CTNNA2: variants seen among roughly 807,000 people sequenced by gnomAD.
CTNNA2 encodes catenin alpha-2.
CTNNA2 carries 42 observed loss-of-function variants against 101.0 expected under a neutral mutation model. That is an observed-to-expected ratio of 0.42 (90% CI 0.32 to 0.54). The LOEUF (loss-of-function observed/expected upper bound fraction) is 0.54. CTNNA2 is among the 20% of genes least tolerant of loss of function. The probability of loss-of-function intolerance (pLI) is 0.14; values close to 1 mark genes in which losing one functional copy is unlikely to be tolerated. For missense variants in CTNNA2, 871 were observed against 1,223.1 expected (o/e 0.71, Z 4.29); for synonymous variants, 450 against 456.4 (o/e 0.99, Z 0.18).
At chr2:80,251,094 C>A (rs1558941668) in intron 7 of CTNNA2, among the ~76,000 whole-genome samples, 1 of 152,062 alleles carries the variant, frequency 6.6e-6, no homozygotes, top group Non-Finnish European at 1.5e-5. Context: ...TTAGTGTACC[C>A]TTTTAATATC....
chr2:79,350,894 T>G (rs1025764726), intron 3 of CTNNA2, among the ~76,000 whole-genome samples: 1 of 152,192 alleles, frequency 6.6e-6, no homozygotes, highest in African/African-American at 2.4e-5. Flanking sequence ...GTTAGCGATG[T>G]GGGGCATGTT....
intron 6 of CTNNA2, among the ~76,000 whole-genome samples, chr2:79,881,415 A>G (rs1405156373): frequency 3.9e-5 from 6 of 152,134 alleles, no homozygotes; most frequent in Admixed American, 1.3e-4. Flanking sequence ...GGGGTGTTAA[A>G]GTCTCTCACT....
rs537856262 is a variant in CTNNA2, at chr2:79,638,845, C to A, written c.-5-12707C>A. ...AGGTACTAATTAAGTATTTTTATAA[C>A]CACTTAACTGTTGAAAATAGCTCTT... On this transcript the variant is annotated intron_variant, in intron 1 of 18. Coordinates refer to ENST00000402739, the MANE Select transcript of CTNNA2 (RefSeq NM_001282597.3). Among the ~76,000 whole-genome samples the A allele has an allele frequency of 3.3e-4, 50 of 152,298 alleles. 1 individual carries two copies. In the South Asian group the frequency reaches 8.3e-3, roughly 25 times the overall value.
At chr2:79,484,053 G>A (rs1278161402) in intron 4 of CTNNA2, among the ~76,000 whole-genome samples, 2 of 151,936 alleles carry the variant, frequency 1.3e-5, no homozygotes, top group Non-Finnish European at 1.5e-5. Context: ...GATCAGCCTG[G>A]GCCACGAGGC....
chr2:80,349,883 T>G (rs1290973828), intron 7 of CTNNA2, among the ~76,000 whole-genome samples: 1 of 152,132 alleles, frequency 6.6e-6, no homozygotes, highest in Non-Finnish European at 1.5e-5. Flanking sequence ...CCCTTATCTT[T>G]TTTGATTAAG....
chr2:80,584,509 T>C (rs1695809070), intron 14 of CTNNA2, among the ~76,000 whole-genome samples: 1 of 151,842 alleles, frequency 6.6e-6, no homozygotes, highest in Non-Finnish European at 1.5e-5. Flanking sequence ...ATGGAGGTGA[T>C]CTTACCCTTT....
At chr2:80,291,964 G>A (rs1675302547) in intron 7 of CTNNA2, among the ~76,000 whole-genome samples, 1 of 152,204 alleles carries the variant, frequency 6.6e-6, no homozygotes, top group Admixed American at 6.5e-5. Flanking sequence ...TGGGAAGGAA[G>A]CCATGTGTAG....
At chr2:79,854,530 T>A (rs948096590) in intron 3 of CTNNA2, among the ~76,000 whole-genome samples, 7 of 152,254 alleles carry the variant, frequency 4.6e-5, no homozygotes, top group African/African-American at 1.7e-4. Flanking sequence ...CCCAGGTCAA[T>A]GTGACTTTGT....
intron 7 of CTNNA2, among the ~76,000 whole-genome samples, chr2:80,198,869 G>A (rs1465269056): frequency 6.6e-6 from 1 of 151,978 alleles, no homozygotes; most frequent in African/African-American, 2.4e-5. Flanking sequence ...CCTTAAATGA[G>A]TGGAACTGTC....
intron 7 of CTNNA2, among the ~76,000 whole-genome samples, chr2:80,147,052 G>A (rs951089418): frequency 4.0e-5 from 6 of 151,420 alleles, no homozygotes; most frequent in Admixed American, 2.0e-4. Flanking sequence ...TGCAATCTCC[G>A]CCTCCTGGGT....
At chr2:79,583,560 G>A (rs1385992731) in intron 1 of CTNNA2, among the ~76,000 whole-genome samples, 1 of 151,990 alleles carries the variant, frequency 6.6e-6, no homozygotes, top group Non-Finnish European at 1.5e-5. Flanking sequence ...GGTTTACTAG[G>A]CTGTGTGGTT....
intron 7 of CTNNA2, among the ~76,000 whole-genome samples, chr2:80,378,175 T>G (rs1676145466): frequency 6.6e-6 from 1 of 151,852 alleles, no homozygotes; most frequent in Admixed American, 6.6e-5. Context: ...CCCAACATGG[T>G]GAAACCCCGT....
At chr2:79,225,322 C>CCTAAG (rs1674394503) in intron 2 of CTNNA2, among the ~76,000 whole-genome samples, 1 of 152,048 alleles carries the variant, frequency 6.6e-6, no homozygotes, top group Non-Finnish European at 1.5e-5. Context: ...TTAATTTTAG[C>CCTAAG]CTAAGCTATG....
chr2:80,173,593 T>A (rs1240755222), intron 7 of CTNNA2, among the ~76,000 whole-genome samples: 1 of 152,202 alleles, frequency 6.6e-6, no homozygotes, highest in Non-Finnish European at 1.5e-5. Flanking sequence ...CAGACTTCAC[T>A]GGAGAAGGTA....
At chr2:79,864,043 G>A (rs894515705) in intron 4 of CTNNA2, among the ~76,000 whole-genome samples, 9 of 152,154 alleles carry the variant, frequency 5.9e-5, no homozygotes, top group African/African-American at 1.2e-4. Context: ...CTCTGGCAGC[G>A]TCTATGCAAC....
At chr2:80,319,716 G>C (rs1678497401) in intron 7 of CTNNA2, among the ~76,000 whole-genome samples, 1 of 152,108 alleles carries the variant, frequency 6.6e-6, no homozygotes, top group South Asian at 2.1e-4. Flanking sequence ...CCCATCCCAG[G>C]TGTAATAAGA....
At chr2:79,388,467 A>G (rs143539944) in intron 4 of CTNNA2, among the ~76,000 whole-genome samples, 1 of 152,216 alleles carries the variant, frequency 6.6e-6, no homozygotes, top group Non-Finnish European at 1.5e-5. Context: ...AGAATTATTG[A>G]CTATTTAGGT....
intron 11 of CTNNA2, among the ~76,000 whole-genome samples, chr2:80,553,661 T>A (rs1428596584): frequency 1.3e-5 from 2 of 152,230 alleles, no homozygotes; most frequent in African/African-American, 4.8e-5. Flanking sequence ...ATTACTGTTA[T>A]ACAAAGAAAA....
intron 1 of CTNNA2, among the ~76,000 whole-genome samples, chr2:79,560,055 C>A (rs1409861922): frequency 6.6e-6 from 1 of 150,432 alleles, no homozygotes; most frequent in East Asian, 2.0e-4. Context: ...AGTCTTTGTG[C>A]ATTAGAAACA....
Sources: gnomAD v4.1 joint callset for allele counts (sites outside exome capture counted in the v4.1 genomes callset) on GRCh38, gnomAD v4.1.1 for gene constraint, MANE v1.5 for transcripts, NCBI Gene and HGNC (gene_info 2026-07-23, HGNC 2026-07-21) for gene names.